Variants in INSC observed in about 807,000 individuals in gnomAD.
INSC encodes INSC spindle orientation adaptor protein.
A neutral mutation model predicts 58.6 loss-of-function variants in INSC; 67 were observed. The ratio of observed to expected loss-of-function variants is 1.14; its 90% CI spans 0.94 to 1.40. The LOEUF (loss-of-function observed/expected upper bound fraction) is 1.40. Among genes scored for constraint, INSC ranks in the 40% most tolerant of loss-of-function variants. The pLI is 0.00. For synonymous variants in INSC, 262 were observed against 276.1 expected (o/e 0.95, Z 0.51); for missense variants, 714 against 692.0 (o/e 1.03, Z -0.36).
chr11:15,166,064 T>C (rs1849185898), intron 2 of INSC, among the ~76,000 whole-genome samples: 1 of 152,178 alleles, frequency 6.6e-6, no homozygotes, highest in African/African-American at 2.4e-5. Context: ...TCAGTGTCAA[T>C]AGTGTTTCAT....
chr11:15,263,013 A>T, the INSC span, among the ~76,000 whole-genome samples: 1 of 152,200 alleles, frequency 6.6e-6, no homozygotes, highest in East Asian at 1.9e-4. Context: ...ACTATTAAAA[A>T]TGACCAGATA....
chr11:15,242,851 G>A (rs1409238491), intron 12 of INSC, among the ~76,000 whole-genome samples: 2 of 152,050 alleles, frequency 1.3e-5, no homozygotes, highest in South Asian at 2.1e-4. Context: ...TTTGTCCCAG[G>A]TGTTTTAAGG....
chr11:15,206,975 T>C (rs1850826970), intron 7 of INSC, among the ~76,000 whole-genome samples: 2 of 152,174 alleles, frequency 1.3e-5, no homozygotes, highest in South Asian at 4.1e-4. Flanking sequence ...GATTTTGCAA[T>C]GACCATGGCA....
chr11:15,178,261 C>A, intron 4 of INSC, 63 bp from the exon 5 acceptor site: 2 of 1,599,008 alleles, frequency 1.3e-6, no homozygotes, highest in South Asian at 1.1e-5. Context: ...CTGGCCCGTG[C>A]AACATTTCTG....
At position 15,187,494 on chromosome 11, in the gene INSC, T is replaced by C. The variant is rs141491118; in HGVS notation, c.580-3207T>C. ...AAAACTTTAGGGAGAGGTCTCACAA[T>C]ATTTTCCTGGCTCCTTCTGAGGAAC... On this transcript the variant is annotated intron_variant, in intron 5 of 12. Transcript: ENST00000379556. Among the ~76,000 whole-genome samples, 10 of 152,320 alleles carry C rather than the reference T, an allele frequency of 6.6e-5. No individual in the cohort carries two copies. The East Asian group carries it at 1.9e-3, about 29-fold the overall frequency.
chr11:15,232,666 A>G (rs1027341218), intron 9 of INSC, among the ~76,000 whole-genome samples: 3 of 152,144 alleles, frequency 2.0e-5, no homozygotes, highest in Non-Finnish European at 4.4e-5. Context: ...TCTAGATGCG[A>G]TTGAGTTAAG....
chr11:15,177,210 G>T (rs1470979174), intron 4 of INSC, 47 bp downstream of exon 4: 1 of 1,468,198 alleles, frequency 6.8e-7, no homozygotes, highest in South Asian at 1.1e-5. Context: ...CCCGACCTCT[G>T]GCAGGAGAAG....
intron 9 of INSC, 123 bp downstream of exon 9, chr11:15,225,951 T>A: frequency 1.1e-6 from 1 of 903,638 alleles, no homozygotes; most frequent in Non-Finnish European, 1.6e-6. Flanking sequence ...TTGCATGCTG[T>A]AGGAGGGCAA....
At chr11:15,234,844 C>A (rs1055854813) in intron 9 of INSC, among the ~76,000 whole-genome samples, 4 of 152,104 alleles carry the variant, frequency 2.6e-5, no homozygotes, top group Non-Finnish European at 5.9e-5. Flanking sequence ...CTCTGTCAGG[C>A]CATTCCTTAA....
chr11:15,157,409 G>A (rs1259862240), intron 2 of INSC, among the ~76,000 whole-genome samples: 3 of 152,176 alleles, frequency 2.0e-5, no homozygotes, highest in East Asian at 1.9e-4. Flanking sequence ...TGAGTAATAG[G>A]ATCAGTTGTT....
chr11:15,231,277 G>T (rs1169890383), intron 9 of INSC, among the ~76,000 whole-genome samples: 1 of 152,172 alleles, frequency 6.6e-6, no homozygotes, highest in Non-Finnish European at 1.5e-5. Flanking sequence ...GTGGAGAGAA[G>T]CACTGGGCTT....
intron 1 of INSC, among the ~76,000 whole-genome samples, chr11:15,144,603 G>A (rs1362758919): frequency 6.6e-5 from 10 of 152,180 alleles, no homozygotes; most frequent in Admixed American, 1.3e-4. Flanking sequence ...TCCCTTCCAT[G>A]TTGACAGCCC....
chr11:15,218,744 A>G (rs557165764), intron 7 of INSC, among the ~76,000 whole-genome samples: 1 of 152,306 alleles, frequency 6.6e-6, no homozygotes, highest in East Asian at 1.9e-4. Context: ...ATTGGGGTCT[A>G]CATCAGGATG....
At chr11:15,124,652 G>C (rs547756353) in intron 1 of INSC, among the ~76,000 whole-genome samples, 4 of 152,176 alleles carry the variant, frequency 2.6e-5, no homozygotes, top group African/African-American at 9.7e-5. Flanking sequence ...AAACCAGGCA[G>C]TAGACTAATC....
At chr11:15,158,860 GTTTTTTT>G (rs529518368) in intron 2 of INSC, among the ~76,000 whole-genome samples, 7 of 109,706 alleles carry the variant, frequency 6.4e-5, no homozygotes, top group African/African-American at 1.4e-4. Flanking sequence ...ATTGTTGGTG[GTTTTTTT>G]TTTTTTTTTT....
chr11:15,165,039 G>C (rs1021721041), intron 2 of INSC, among the ~76,000 whole-genome samples: 3 of 152,132 alleles, frequency 2.0e-5, no homozygotes, highest in African/African-American at 7.2e-5. Context: ...CATGAAAATG[G>C]TCTAATACAT....
At position 15,206,990 on chromosome 11, in the gene INSC, G is replaced by T. The variant is rs192711846; in HGVS notation, c.819+6041G>T. Reference sequence around the variant, plus strand: ...GATTTTGCAATGACCATGGCAGGGTGCCAGGTACTCTGAGTGGTGAAGGGG... The same window carrying T: ...GATTTTGCAATGACCATGGCAGGGTTCCAGGTACTCTGAGTGGTGAAGGGG... On this transcript the variant is annotated intron_variant, in intron 7 of 12. Coordinates refer to ENST00000379556, the MANE Select transcript of INSC (RefSeq NM_001042536.3). Among the ~76,000 whole-genome samples, 28 of 152,308 alleles carry T rather than the reference G, an allele frequency of 1.8e-4. No homozygotes were observed. The East Asian group carries it at 5.2e-3, about 28-fold the overall frequency.
At chr11:15,168,364 A>G (rs575721469) in intron 2 of INSC, among the ~76,000 whole-genome samples, 219 of 152,174 alleles carry the variant, frequency 1.4e-3, no homozygotes, top group African/African-American at 4.2e-3. Flanking sequence ...GAGAAAATGC[A>G]GTGTTTGGTT....
chr11:15,150,954 T>G (rs1848630495), intron 2 of INSC, among the ~76,000 whole-genome samples: 1 of 152,210 alleles, frequency 6.6e-6, no homozygotes, highest in Admixed American at 6.5e-5. Context: ...CACCTGTTTT[T>G]TCTTCAACAT....
Sources: gnomAD v4.1 joint callset for allele counts (sites outside exome capture counted in the v4.1 genomes callset) on GRCh38, gnomAD v4.1.1 for gene constraint, MANE v1.5 for transcripts, NCBI Gene and HGNC (gene_info 2026-07-23, HGNC 2026-07-21) for gene names.